Variants in DNAH8 observed in about 807,000 individuals in gnomAD.
The protein encoded by DNAH8 is axonemal beta dynein heavy chain 8.
Under a neutral mutation model 562.1 loss-of-function variants are expected in DNAH8, and 382 were observed. The ratio of observed to expected loss-of-function variants is 0.68; its 90% CI spans 0.63 to 0.74. DNAH8 has a LOEUF of 0.74. Among genes scored for constraint, DNAH8 ranks in the 30% least tolerant of loss-of-function variants. DNAH8 has a pLI of 0.00. For missense variants in DNAH8, 5,203 were observed against 5,620.4 expected (o/e 0.93, Z 2.37); for synonymous variants, 1,881 against 1,919.4 (o/e 0.98, Z 0.52).
chr6:38,869,469 A>G (rs887114046), intron 48 of DNAH8, among the ~76,000 whole-genome samples: 2 of 152,166 alleles, frequency 1.3e-5, no homozygotes, highest in Non-Finnish European at 2.9e-5. Context: ...TTCCTAGACA[A>G]GTACTCAAGA....
At chr6:38,737,044 A>G in intron 5 of DNAH8, 23 bp from the exon 6 acceptor site, 1 of 1,484,888 alleles carries the variant, frequency 6.7e-7, no homozygotes, top group South Asian at 1.5e-5. Context: ...ATGTAAAATA[A>G]CATTTAAACT....
chr6:38,848,885 A>C (rs115741101), intron 37 of DNAH8, 84 bp downstream of exon 37: 1 of 1,373,088 alleles, frequency 7.3e-7, no homozygotes, highest in African/African-American at 1.4e-5. Flanking sequence ...ACAAAGACAT[A>C]TGGTCAAGGC....
chr6:38,951,897 A>G (rs1219239169), intron 82 of DNAH8, among the ~76,000 whole-genome samples: 2 of 152,250 alleles, frequency 1.3e-5, no homozygotes, highest in Admixed American at 6.5e-5. Flanking sequence ...TTAAAAAACT[A>G]TAACCATTAT....
intron 89 of DNAH8, among the ~76,000 whole-genome samples, chr6:39,010,616 G>A (rs1351075675): frequency 6.6e-6 from 1 of 151,876 alleles, no homozygotes; most frequent in Non-Finnish European, 1.5e-5. Flanking sequence ...GAGATACCTG[G>A]GCTATTGATT....
intron 43 of DNAH8, among the ~76,000 whole-genome samples, chr6:38,861,927 T>A (rs6458078): frequency 0.42 from 62,765 of 149,956 alleles, 13,775 homozygotes; most frequent in East Asian, 0.69. Context: ...ATACAATAGA[T>A]ATTGGCAAAC....
intron 58 of DNAH8, among the ~76,000 whole-genome samples, chr6:38,893,593 T>C (rs906490551): frequency 2.0e-5 from 3 of 152,176 alleles, no homozygotes; most frequent in African/African-American, 7.2e-5. Context: ...TTTTAGTGGG[T>C]AGGATGAACA....
chr6:38,852,350 G>A (rs1775817000), intron 39 of DNAH8, among the ~76,000 whole-genome samples: 1 of 152,048 alleles, frequency 6.6e-6, no homozygotes, highest in African/African-American at 2.4e-5. Flanking sequence ...AAAGGTGGAG[G>A]TAGAGCTAGG....
chr6:38,861,554 A>C (rs980363402), intron 43 of DNAH8, among the ~76,000 whole-genome samples: 3 of 152,106 alleles, frequency 2.0e-5, no homozygotes, highest in Admixed American at 1.3e-4. Flanking sequence ...TGTGGTGCTT[A>C]CCTGGTTTCT....
At chr6:38,987,963 C>A (rs1207333556) in intron 87 of DNAH8, among the ~76,000 whole-genome samples, 2 of 152,196 alleles carry the variant, frequency 1.3e-5, no homozygotes, top group Non-Finnish European at 2.9e-5. Context: ...ACCCTGCCTT[C>A]ACCTGTTTGA....
intron 73 of DNAH8, 144 bp downstream of exon 73, chr6:38,924,306 T>C: frequency 2.8e-6 from 2 of 720,094 alleles, no homozygotes; most frequent in Non-Finnish European, 4.5e-6. Flanking sequence ...AGGTCAGGAG[T>C]TCAAGACCAG....
chr6:38,769,360 C>T (rs533252135), intron 11 of DNAH8, among the ~76,000 whole-genome samples: 3 of 152,286 alleles, frequency 2.0e-5, no homozygotes, highest in East Asian at 3.9e-4. Context: ...CTAATGCTAT[C>T]CCTCCCCTAG....
intron 85 of DNAH8, among the ~76,000 whole-genome samples, chr6:38,980,248 G>C (rs531030656): frequency 6.6e-6 from 1 of 152,206 alleles, no homozygotes; most frequent in East Asian, 1.9e-4. Flanking sequence ...AATAGAAGAC[G>C]TGTTTTTCAC....
Position 38,999,235 on chromosome 6 carries a change from C to G in DNAH8, c.13214+9063C>G, listed in dbSNP as rs559096676. On this transcript the variant is annotated intron_variant, in intron 88 of 92. Transcript: ENST00000327475. Reference sequence around the variant, plus strand: ...AGCAGCAGCATCTCCATCAGCCTCTCCTTGGAGCACCAGTGAACTTGGCCA... The same window carrying G: ...AGCAGCAGCATCTCCATCAGCCTCTGCTTGGAGCACCAGTGAACTTGGCCA... Among the ~76,000 whole-genome samples the G allele has an allele frequency of 2.6e-5, 4 of 152,264 alleles. No individual in the cohort carries two copies. In the South Asian group the frequency reaches 8.3e-4, roughly 32 times the overall value.
chr6:39,008,766 C>A, intron 88 of DNAH8, 48 bp from the exon 89 acceptor site: 3 of 1,152,690 alleles, frequency 2.6e-6, no homozygotes, highest in Non-Finnish European at 2.4e-6. Context: ...ACACTTATCT[C>A]TTACATGTTT....
rs746410161 is a variant in DNAH8, at chr6:38,783,157, A to C, written c.2395+18A>C. 6.2e-7 allele frequency: 1 copy of C among 1,610,704 alleles called. No individual in the cohort carries two copies. The highest frequency in any genetic ancestry group is 8.5e-7 in the Non-Finnish European group (1 of 1,178,954). ...GCATTACGGTGTGTATAACACTGCCATGAGCCTACAAAGTAGGGATTAGGT... is the reference window on the plus strand; with the variant it reads ...GCATTACGGTGTGTATAACACTGCCCTGAGCCTACAAAGTAGGGATTAGGT... On this transcript the variant is annotated intron_variant, in intron 17 of 92. Transcript: ENST00000327475.
At chr6:38,774,628 G>T (rs79543842) in intron 12 of DNAH8, among the ~76,000 whole-genome samples, 4,892 of 152,272 alleles carry the variant, frequency 0.032, 248 homozygotes, top group African/African-American at 0.11. Context: ...ACATGTTAGT[G>T]ACAGGAATTT....
chr6:39,003,493 A>T (rs551790389), intron 88 of DNAH8, among the ~76,000 whole-genome samples: 1 of 152,354 alleles, frequency 6.6e-6, no homozygotes, highest in African/African-American at 2.4e-5. Context: ...AGAAAAATAA[A>T]CAGCAAAAAG....
chr6:39,006,413 G>A (rs1449545696), intron 88 of DNAH8, among the ~76,000 whole-genome samples: 1 of 151,880 alleles, frequency 6.6e-6, no homozygotes, highest in African/African-American at 2.4e-5. Context: ...CTTCAATATT[G>A]CAAATACAGT....
chr6:38,942,519 C>T (rs1783543993), intron 79 of DNAH8, among the ~76,000 whole-genome samples: 1 of 152,186 alleles, frequency 6.6e-6, no homozygotes, highest in Non-Finnish European at 1.5e-5. Flanking sequence ...CTGCATTCTG[C>T]CCAGTGTCAC....
Sources: allele counts gnomAD v4.1 joint callset (sites outside exome capture counted in the v4.1 genomes callset), GRCh38; gene constraint gnomAD v4.1.1; transcripts MANE v1.5; gene names NCBI Gene and HGNC (gene_info 2026-07-23, HGNC 2026-07-21).